The following DSE variants were observed in gnomAD, a reference collection of about 807,000 sequenced individuals.
The protein encoded by DSE is dermatan-sulfate epimerase.
In DSE, 36 loss-of-function variants were observed where a neutral mutation model predicts 84.4. That is an observed-to-expected ratio of 0.43 (90% CI 0.33 to 0.56). The LOEUF (loss-of-function observed/expected upper bound fraction) is 0.56, where lower values mean the gene tolerates loss of function less well. Among genes scored for constraint, DSE ranks in the 20% least tolerant of loss-of-function variants. The pLI is 0.06. For synonymous variants in DSE, 410 were observed against 430.1 expected (o/e 0.95, Z 0.58); for missense variants, 862 against 1,169.6 (o/e 0.74, Z 3.84).
chr6:116,346,891 C>T (rs7757064), intron 2 of DSE, among the ~76,000 whole-genome samples: 1 of 152,042 alleles, frequency 6.6e-6, no homozygotes, highest in Admixed American at 6.6e-5. Flanking sequence ...AGCCCAAAAT[C>T]TCCTTAAGCT....
rs1784517326 is a variant in DSE at position 116,444,392 on chromosome 6, C to T, written c.*7047C>T. The T allele has an allele frequency of 6.6e-6, 1 of 152,066 alleles. No homozygotes were observed. Among genetic ancestry groups the T allele is most frequent in the East Asian group, 1.9e-4 (1 of 5,190 alleles). The allele number at this position is 152,066 out of a possible 1,614,324, so 9.4% of individuals were successfully genotyped here. On this transcript the variant is annotated 3_prime_UTR_variant, in exon 6 of 6. Coordinates refer to ENST00000644252, the MANE Select transcript of DSE (RefSeq NM_013352.4). Reference sequence around the variant, plus strand: ...GTATATACATGGTTCTTACACAGTGCCTGGCATTCAAAAAATGCATTCAGA... The same window carrying T: ...GTATATACATGGTTCTTACACAGTGTCTGGCATTCAAAAAATGCATTCAGA...
At chr6:116,394,648 A>G (rs1382048327) in intron 1 of DSE, among the ~76,000 whole-genome samples, 1 of 152,062 alleles carries the variant, frequency 6.6e-6, no homozygotes, top group Non-Finnish European at 1.5e-5. Context: ...GAGTCTCACT[A>G]TGTTGACCAG....
intron 1 of DSE, among the ~76,000 whole-genome samples, chr6:116,395,097 AGT>A (rs1277483771): frequency 3.3e-5 from 5 of 152,230 alleles, no homozygotes; most frequent in African/African-American, 1.2e-4. Flanking sequence ...ATTTTGAGAT[AGT>A]GTGTGTGTTT....
chr6:116,317,650 A>G (rs1054466305), intron 2 of DSE, among the ~76,000 whole-genome samples: 1 of 152,256 alleles, frequency 6.6e-6, no homozygotes, highest in African/African-American at 2.4e-5. Context: ...ACATACAAAT[A>G]CACACATACA....
chr6:116,372,954 A>G (rs1779694843), intron 1 of DSE, among the ~76,000 whole-genome samples: 1 of 152,120 alleles, frequency 6.6e-6, no homozygotes, highest in Non-Finnish European at 1.5e-5. Context: ...TGACGTCAGT[A>G]TCCGTTTTTA....
At chr6:116,276,383 TG>T (rs1773142936) in intron 2 of DSE, among the ~76,000 whole-genome samples, 1 of 152,176 alleles carries the variant, frequency 6.6e-6, no homozygotes, top group Non-Finnish European at 1.5e-5. Flanking sequence ...AAGGGGAGGT[TG>T]TGCTGCATAA....
At position 116,310,657 on chromosome 6, in the gene DSE, A is replaced by C. The variant is rs73548944; in HGVS notation, c.-54+51690A>C. Among the ~76,000 whole-genome samples, 579 of 150,972 alleles carry C rather than the reference A, an allele frequency of 3.8e-3. 5 individuals are homozygous for C. The highest frequency in any genetic ancestry group is 0.013 in the African/African-American group (548 of 41,062). ...CCTTTTGGCTCTGTCTTCAAAGTAT[A>C]TCCCAAATCTACACACTTTTCAGCA... On this transcript the variant is annotated intron_variant, in intron 2 of 3. Transcript: ENST00000430252.
intron 2 of DSE, among the ~76,000 whole-genome samples, chr6:116,422,533 T>C (rs1783161973): frequency 6.6e-6 from 1 of 152,254 alleles, no homozygotes; most frequent in South Asian, 2.1e-4. Context: ...TTCTTTTGTT[T>C]GTAACGTTCT....
intron 2 of DSE, among the ~76,000 whole-genome samples, chr6:116,305,029 A>G (rs1775260343): frequency 6.6e-6 from 1 of 152,184 alleles, no homozygotes; most frequent in African/African-American, 2.4e-5. Flanking sequence ...TTCAAAATCA[A>G]AACTGGTCAT....
intron 2 of DSE, among the ~76,000 whole-genome samples, chr6:116,275,171 G>A (rs1773069118): frequency 1.3e-5 from 2 of 152,166 alleles, no homozygotes; most frequent in African/African-American, 4.8e-5. Flanking sequence ...AATAGCCACT[G>A]GTGGCTAAAA....
chr6:116,351,923 C>T (rs779654426), intron 2 of DSE, among the ~76,000 whole-genome samples: 8 of 152,158 alleles, frequency 5.3e-5, no homozygotes, highest in African/African-American at 1.2e-4. Flanking sequence ...TTGTCTTTTA[C>T]ATTTTATCAT....
At chr6:116,271,993 G>A (rs1772901349) in intron 2 of DSE, among the ~76,000 whole-genome samples, 1 of 152,110 alleles carries the variant, frequency 6.6e-6, no homozygotes, top group Non-Finnish European at 1.5e-5. Context: ...TCAACCTTGA[G>A]GCTACCATTC....
In DSE at chr6:116,426,585, A is replaced by T. The variant is rs775498800; in HGVS notation, c.428A>T (p.Asp143Val). ...MAAQPSWLVK[D>V]APWDEVPLAH... Reference sequence around the variant, plus strand: ...ATTTTCCTTTACAGGTTGGTGAAAGATGCTCCTTGGGATGAGGTCCCGCTT... The same window carrying T: ...ATTTTCCTTTACAGGTTGGTGAAAGTTGCTCCTTGGGATGAGGTCCCGCTT... Residue 143 changes from aspartate (D) to valine (V), a missense_variant, in exon 3 of 6, where the codon GAT becomes GTT. Asp to Val is a radical substitution (Grantham distance 152). This residue lies in a region of DSE where 309 missense variants were observed against 516.9 expected (regional missense o/e 0.60). Coordinates refer to ENST00000644252, the MANE Select transcript of DSE (RefSeq NM_013352.4). 9.3e-6 allele frequency: 15 copies of T among 1,613,100 alleles called. No individual in the cohort carries two copies. In the South Asian group the frequency reaches 1.4e-4, roughly 15 times the overall value.
intron 2 of DSE, among the ~76,000 whole-genome samples, chr6:116,416,689 T>G (rs892499773): frequency 6.6e-6 from 1 of 152,120 alleles, no homozygotes; most frequent in Non-Finnish European, 1.5e-5. Context: ...GACTGGCCAC[T>G]GTCCATCATC....
At chr6:116,301,408 C>G (rs577554369) in intron 2 of DSE, among the ~76,000 whole-genome samples, 3 of 152,270 alleles carry the variant, frequency 2.0e-5, no homozygotes, top group African/African-American at 7.2e-5. Context: ...TCCGTCTGCT[C>G]AGAGTCATGC....
intron 2 of DSE, among the ~76,000 whole-genome samples, chr6:116,273,167 G>C (rs1772954612): frequency 6.6e-6 from 1 of 152,164 alleles, no homozygotes; most frequent in Admixed American, 6.5e-5. Flanking sequence ...AAGCTAGTAT[G>C]CCTTCTCTGC....
chr6:116,361,647 C>T (rs978541426), intron 2 of DSE, among the ~76,000 whole-genome samples: 10 of 152,076 alleles, frequency 6.6e-5, no homozygotes, highest in Non-Finnish European at 1.0e-4. Flanking sequence ...CAGAGCAAGA[C>T]CCCATCTCTG....
At chr6:116,396,939 A>G (rs968160221) in intron 1 of DSE, among the ~76,000 whole-genome samples, 2 of 152,180 alleles carry the variant, frequency 1.3e-5, no homozygotes, top group South Asian at 4.1e-4. Context: ...TCTAGTTTCC[A>G]TGTATTAATG....
At chr6:116,432,555 TGTG>T (rs1457041892) in intron 4 of DSE, 6 of 152,184 alleles carry the variant, frequency 3.9e-5, no homozygotes, top group South Asian at 2.1e-4. Flanking sequence ...TAAATATAAT[TGTG>T]GTAACATTTT....
Sources: gnomAD v4.1 joint callset for allele counts (sites outside exome capture counted in the v4.1 genomes callset) on GRCh38, gnomAD v4.1.1 for gene constraint, gnomAD v4.1.1 regional missense constraint, MANE v1.5 for transcripts, NCBI Gene and HGNC (gene_info 2026-07-23, HGNC 2026-07-21) for gene names.